The following SEC24B variants were observed in gnomAD, a reference collection of about 807,000 sequenced individuals.
The protein encoded by SEC24B is SEC24 homolog B, COPII component, also known as protein transport protein Sec24B.
SEC24B carries 45 observed loss-of-function variants against 142.8 expected under a neutral mutation model. That is an observed-to-expected ratio of 0.32 (90% CI 0.25 to 0.40). The LOEUF (loss-of-function observed/expected upper bound fraction) is 0.40, where lower values mean the gene tolerates loss of function less well. SEC24B is among the 10% of genes least tolerant of loss of function. The pLI is 1.00. For missense variants in SEC24B, 1,409 were observed against 1,526.8 expected, an observed-to-expected ratio of 0.92 and a Z score of 1.29; for synonymous variants, 574 against 568.2, an observed-to-expected ratio of 1.01 and a Z score of -0.15.
chr4:109,526,000 A>G (rs554679613), intron 16 of SEC24B, among the ~76,000 whole-genome samples: 2 of 152,258 alleles, frequency 1.3e-5, no homozygotes, highest in Admixed American at 1.3e-4. Context: ...GAAAATGTAA[A>G]TAAGGTTAGG....
At chr4:109,535,576 C>T (rs1425989450) in intron 22 of SEC24B, among the ~76,000 whole-genome samples, 1 of 149,926 alleles carries the variant, frequency 6.7e-6, no homozygotes, top group East Asian at 2.0e-4. Context: ...TGGCTGGGCG[C>T]GGTGGCTCAT....
intron 6 of SEC24B, among the ~76,000 whole-genome samples, chr4:109,505,343 A>G (rs1561147634): frequency 2.0e-5 from 3 of 152,124 alleles, no homozygotes; most frequent in Non-Finnish European, 4.4e-5. Context: ...CGTAAGGACA[A>G]AAAGAACTAT....
chr4:109,481,246 T>G (rs1733708222), intron 3 of SEC24B, among the ~76,000 whole-genome samples: 1 of 152,072 alleles, frequency 6.6e-6, no homozygotes, highest in South Asian at 2.1e-4. Context: ...AAGGAAGGGG[T>G]ACCACGTATG....
chr4:109,447,601 T>C (rs1224129135), intron 1 of SEC24B, among the ~76,000 whole-genome samples: 2 of 152,128 alleles, frequency 1.3e-5, no homozygotes, highest in African/African-American at 4.8e-5. Context: ...CAAAATTAAA[T>C]TTTATTTATT....
intron 11 of SEC24B, among the ~76,000 whole-genome samples, chr4:109,519,965 T>C (rs539805433): frequency 3.9e-5 from 6 of 152,322 alleles, no homozygotes; most frequent in African/African-American, 1.4e-4. Flanking sequence ...TTTCTTTGTA[T>C]TGTAGCATCG....
At position 109,526,317 on chromosome 4, in the gene SEC24B, G is replaced by T. The variant is rs371301673; in HGVS notation, c.2883G>T (p.Ala961=). Reference sequence around the variant, plus strand: ...ACATCAATCCTGATGCTGGATTTGCGGTGCAGTTGTCAATTGAAGAAAGTT... The same window carrying T: ...ACATCAATCCTGATGCTGGATTTGCTGTGCAGTTGTCAATTGAAGAAAGTT... ...LANINPDAGF[A]VQLSIEESLT... The change falls in exon 17 of 24, where the codon GCG becomes GCT. Residue 961 remains alanine, a synonymous_variant. Coordinates refer to ENST00000265175, the MANE Select transcript of SEC24B (RefSeq NM_006323.5). 3.7e-6 allele frequency: 6 copies of T among 1,613,710 alleles called. No individual in the cohort carries two copies. Among genetic ancestry groups the T allele is most frequent in the Non-Finnish European group, 5.1e-6 (6 of 1,179,898 alleles).
chr4:109,514,714 A>C (rs900170396), intron 10 of SEC24B, among the ~76,000 whole-genome samples: 4 of 151,996 alleles, frequency 2.6e-5, no homozygotes, highest in African/African-American at 9.7e-5. Flanking sequence ...AAACAAACAA[A>C]CTCAAAAAAC....
At chr4:109,536,344 A>T (rs1725533992) in intron 22 of SEC24B, among the ~76,000 whole-genome samples, 1 of 152,208 alleles carries the variant, frequency 6.6e-6, no homozygotes, top group Non-Finnish European at 1.5e-5. Context: ...TTGCATTTCA[A>T]ATTACTGTGG....
chr4:109,437,428 C>T (rs1407387900), intron 1 of SEC24B, among the ~76,000 whole-genome samples: 1 of 152,034 alleles, frequency 6.6e-6, no homozygotes, highest in Non-Finnish European at 1.5e-5. Flanking sequence ...GGACTATAGG[C>T]ATGCACTACC....
In SEC24B at chr4:109,516,592, C is replaced by G. The variant is rs747753585; in HGVS notation, c.2078C>G (p.Ala693Gly). The change falls in exon 11 of 24, where the codon GCT becomes GGT. Residue 693 changes from alanine to glycine, a missense_variant. Coordinates refer to ENST00000265175, the MANE Select transcript of SEC24B (RefSeq NM_006323.5). The stretch of plus-strand genomic sequence containing the variant: ...GATGTGTCTCATAATGCAGTGGAAG[C>G]TGGATATTTGACAATTTTGTGCCAG... Reference protein sequence around the residue: ...VLDVSHNAVEAGYLTILCQSL... With the variant: ...VLDVSHNAVEGGYLTILCQSL... 1 of 1,613,050 alleles carries G rather than the reference C, an allele frequency of 6.2e-7. No individual in the cohort carries two copies. Among genetic ancestry groups the G allele is most frequent in the Admixed American group, 1.7e-5 (1 of 60,004 alleles).
Position 109,489,020 on chromosome 4 carries a change from T to C in SEC24B, c.1166-2307T>C, listed in dbSNP as rs114079779. 8.7e-3 allele frequency among the ~76,000 whole-genome samples: 1,322 copies of C among 152,258 alleles called. 24 individuals carry two copies. Among genetic ancestry groups the C allele is most frequent in the African/African-American group, 0.03 (1,262 of 41,556 alleles). Reference sequence around the variant, plus strand: ...GGATATTAACCCCTTATCAGATATATGATTTGCAAATATTTACTCTCATTC... The same window carrying C: ...GGATATTAACCCCTTATCAGATATACGATTTGCAAATATTTACTCTCATTC... On this transcript the variant is annotated intron_variant, in intron 4 of 23. Coordinates refer to ENST00000265175, the MANE Select transcript of SEC24B (RefSeq NM_006323.5).
intron 1 of SEC24B, among the ~76,000 whole-genome samples, chr4:109,455,431 G>A (rs933793711): frequency 1.3e-5 from 2 of 151,940 alleles, no homozygotes; most frequent in African/African-American, 4.8e-5. Flanking sequence ...TGTAGAGATG[G>A]GGTTTCACCA....
chr4:109,438,314 A>G (rs1005820962), intron 1 of SEC24B, among the ~76,000 whole-genome samples: 1 of 151,992 alleles, frequency 6.6e-6, no homozygotes, highest in African/African-American at 2.4e-5. Context: ...CTGTTTGTTT[A>G]TTTATTTATT....
At chr4:109,451,454 A>G (rs896085565) in intron 1 of SEC24B, among the ~76,000 whole-genome samples, 14 of 151,808 alleles carry the variant, frequency 9.2e-5, no homozygotes, top group Non-Finnish European at 4.4e-5. Context: ...CTTGACTCCC[A>G]AAGTGCCAAT....
chr4:109,499,697 G>T (rs1338706650), intron 6 of SEC24B, among the ~76,000 whole-genome samples: 5 of 152,128 alleles, frequency 3.3e-5, no homozygotes, highest in African/African-American at 1.2e-4. Context: ...ATGTGTTTGT[G>T]GTGATGCTCT....
rs747088768 is a variant in SEC24B at position 109,463,558 on chromosome 4, C to G, written c.791C>G (p.Ser264Cys). The G allele has an allele frequency of 6.2e-6, 10 of 1,614,110 alleles. No individual in the cohort carries two copies. Among genetic ancestry groups the G allele is most frequent in the Non-Finnish European group, 8.5e-6 (10 of 1,180,056 alleles). ...GGATACAGTACTCTAACGTGGTCAT[C>G]TCCAGGCCTTCCATCGACTCAAGAC... ...LSGYSTLTWS[S>C]PGLPSTQDNL... is the part of the protein sequence containing the mutation. The change falls in exon 2 of 24, where the codon TCT becomes TGT. Residue 264 changes from serine to cysteine, a missense_variant. By Grantham distance (112) the Ser-to-Cys change is moderately radical. Around this residue, in one of 2 missense-constraint regions of SEC24B, gnomAD observed 709 missense variants for 673.5 expected, o/e 1.05. Transcript: ENST00000265175.
rs547753353 is a variant in SEC24B, at chr4:109,489,502, T to C, written c.1166-1825T>C. ...ACTTCTATTTAGCTCTATCTAATTT[T>C]GTGAAGTACTAGACATTTTCATCAT... On this transcript the variant is annotated intron_variant, in intron 4 of 23. Coordinates refer to ENST00000265175, the MANE Select transcript of SEC24B (RefSeq NM_006323.5). Among the ~76,000 whole-genome samples, 6 of 150,026 alleles carry C rather than the reference T, an allele frequency of 4.0e-5. No homozygotes were observed. In the South Asian group the frequency reaches 1.0e-3, roughly 26 times the overall value.
chr4:109,499,343 G>A (rs1268588383), intron 6 of SEC24B, among the ~76,000 whole-genome samples: 1 of 152,064 alleles, frequency 6.6e-6, no homozygotes, highest in Non-Finnish European at 1.5e-5. Context: ...CATTTGCGGG[G>A]CATAACTCAG....
chr4:109,452,862 CTG>C (rs1234520046), intron 1 of SEC24B, among the ~76,000 whole-genome samples: 1 of 152,170 alleles, frequency 6.6e-6, no homozygotes, highest in African/African-American at 2.4e-5. Flanking sequence ...ATTTTCATGA[CTG>C]TGTCTTATTT....
Sources: allele counts gnomAD v4.1 joint callset (sites outside exome capture counted in the v4.1 genomes callset), GRCh38; gene constraint gnomAD v4.1.1; regional missense constraint gnomAD v4.1.1; transcripts MANE v1.5; gene names NCBI Gene and HGNC (gene_info 2026-07-23, HGNC 2026-07-21).